EPHA6: variants seen among roughly 807,000 people sequenced by gnomAD.
EPHA6 encodes EPH receptor A6, also known as ephrin type-A receptor 6.
In EPHA6, 50 loss-of-function variants were observed where a neutral mutation model predicts 112.0. That is an observed-to-expected ratio of 0.45 (90% CI 0.36 to 0.56). The LOEUF is 0.56. Ranked by LOEUF, EPHA6 falls within the 20% of genes least tolerant of loss-of-function variation. EPHA6 has a pLI of 0.00. For synonymous variants in EPHA6, 529 were observed against 490.7 expected (o/e 1.08, Z -1.03); for missense variants, 1,280 against 1,417.4 (o/e 0.90, Z 1.56).
At chr3:97,084,051 T>C (rs1213164651) in intron 3 of EPHA6, among the ~76,000 whole-genome samples, 1 of 142,586 alleles carries the variant, frequency 7.0e-6, no homozygotes, top group Non-Finnish European at 1.5e-5. Flanking sequence ...ATAGGGGTGG[T>C]ACATTTATTT....
intron 3 of EPHA6, among the ~76,000 whole-genome samples, chr3:97,082,069 A>G (rs1260834246): frequency 6.6e-6 from 1 of 151,728 alleles, no homozygotes; most frequent in Non-Finnish European, 1.5e-5. Flanking sequence ...AAAATTATAT[A>G]TGTTTATCAT....
intron 3 of EPHA6, among the ~76,000 whole-genome samples, chr3:97,039,613 TA>T (rs2045243636): frequency 6.6e-6 from 1 of 152,048 alleles, no homozygotes; most frequent in African/African-American, 2.4e-5. Context: ...ATTTTTAAAA[TA>T]TCTTAATTTG....
chr3:97,245,271 T>A (rs1300888328), intron 5 of EPHA6, among the ~76,000 whole-genome samples: 2 of 152,002 alleles, frequency 1.3e-5, no homozygotes, highest in Non-Finnish European at 2.9e-5. Flanking sequence ...GTGTCCTTGG[T>A]TTGTAGGTGG....
intron 1 of EPHA6, among the ~76,000 whole-genome samples, chr3:96,856,751 C>T (rs1280413999): frequency 2.0e-5 from 3 of 152,072 alleles, no homozygotes; most frequent in Non-Finnish European, 4.4e-5. Flanking sequence ...AAAACAGGGT[C>T]ACTCCTTTCT....
At chr3:97,337,044 TC>T (rs2108844536) in intron 5 of EPHA6, among the ~76,000 whole-genome samples, 1 of 152,126 alleles carries the variant, frequency 6.6e-6, no homozygotes, top group South Asian at 2.1e-4. Context: ...TCTCTACATC[TC>T]ATATAGTACT....
intron 14 of EPHA6, among the ~76,000 whole-genome samples, chr3:97,694,845 A>G (rs2032926853): frequency 6.6e-6 from 1 of 152,250 alleles, no homozygotes; most frequent in Non-Finnish European, 1.5e-5. Context: ...AGACATAGAT[A>G]GTTGTTGTCT....
chr3:96,871,018 A>G (rs376039510), intron 2 of EPHA6, among the ~76,000 whole-genome samples: 1 of 152,046 alleles, frequency 6.6e-6, no homozygotes, highest in Non-Finnish European at 1.5e-5. Flanking sequence ...TTTGGTGATA[A>G]TTTCTGTTGG....
At chr3:97,432,515 T>G (rs949856246) in intron 6 of EPHA6, among the ~76,000 whole-genome samples, 10 of 152,156 alleles carry the variant, frequency 6.6e-5, no homozygotes, top group African/African-American at 2.4e-4. Context: ...AGGCTTATGT[T>G]CACCTGTCTT....
chr3:97,219,497 T>G (rs577493967), intron 3 of EPHA6, among the ~76,000 whole-genome samples: 1 of 152,208 alleles, frequency 6.6e-6, no homozygotes, highest in South Asian at 2.1e-4. Flanking sequence ...CTGCCAACGC[T>G]TGGGGATTGC....
chr3:96,901,125 G>GT (rs2038585035), intron 2 of EPHA6, among the ~76,000 whole-genome samples: 1 of 152,100 alleles, frequency 6.6e-6, no homozygotes, highest in African/African-American at 2.4e-5. Flanking sequence ...GGGGCAACCT[G>GT]TTAATAGAGA....
At position 97,750,347 on chromosome 3, in the gene EPHA6, T is replaced by A. The variant is rs1023480630; in HGVS notation, c.*1646T>A. On this transcript the variant is annotated 3_prime_UTR_variant, in exon 18 of 18. Transcript: ENST00000389672. ...CCTGTTTTTGTTTTTTGTTTTTGTTTTTGTTGTTCGTTTGTTTGTTTTTGA... is the reference window on the plus strand; with the variant it reads ...CCTGTTTTTGTTTTTTGTTTTTGTTATTGTTGTTCGTTTGTTTGTTTTTGA... Among the ~76,000 whole-genome samples, 4 of 151,858 alleles carry A rather than the reference T, an allele frequency of 2.6e-5. No individual in the cohort carries two copies. Among genetic ancestry groups the A allele is most frequent in the African/African-American group, 9.7e-5 (4 of 41,346 alleles).
At position 97,757,886 on chromosome 3, in the gene EPHA6, CAAAT is replaced by C. The variant is rs2036064552; in HGVS notation, c.*9188_*9191del. Among the ~76,000 whole-genome samples, 1 of 151,800 alleles carries C rather than the reference CAAAT, an allele frequency of 6.6e-6. No homozygotes were observed. Among genetic ancestry groups the C allele is most frequent in the Non-Finnish European group, 1.5e-5 (1 of 67,788 alleles). ...ATTATGCTTGAAAGTTTCCAACTCT[CAAAT>C]AAGTTGAAACCAAGTGTCATAGCAC... On this transcript the variant is annotated 3_prime_UTR_variant, in exon 18 of 18. Transcript: ENST00000389672.
chr3:97,587,059 A>G (rs2093496558), intron 11 of EPHA6, among the ~76,000 whole-genome samples: 1 of 152,150 alleles, frequency 6.6e-6, no homozygotes, highest in African/African-American at 2.4e-5. Flanking sequence ...CCTGGCCAAC[A>G]TAGTAAAACC....
chr3:97,019,520 T>A (rs988120166), intron 3 of EPHA6, among the ~76,000 whole-genome samples: 1 of 152,174 alleles, frequency 6.6e-6, no homozygotes, highest in African/African-American at 2.4e-5. Context: ...ACAAAAAGAC[T>A]GCCTGTCTCT....
intron 1 of EPHA6, among the ~76,000 whole-genome samples, chr3:96,819,227 A>G (rs1053751107): frequency 1.3e-5 from 2 of 152,062 alleles, no homozygotes; most frequent in Admixed American, 6.6e-5. Context: ...GTATATATCT[A>G]TTGGTACAGG....
At chr3:96,829,949 G>GCGCGCGCGCGCGTGCGCACA (rs373416797) in intron 1 of EPHA6, among the ~76,000 whole-genome samples, 16 of 136,034 alleles carry the variant, frequency 1.2e-4, no homozygotes, top group African/African-American at 4.8e-4. Flanking sequence ...GCGCGCGCGC[G>GCGCGCGCGCGCGTGCGCACA]CACACACACA....
intron 3 of EPHA6, among the ~76,000 whole-genome samples, chr3:97,217,854 T>A (rs1230625863): frequency 6.6e-6 from 1 of 152,232 alleles, no homozygotes; most frequent in Non-Finnish European, 1.5e-5. Context: ...TAATCTTAGT[T>A]TGGACTTTAT....
intron 11 of EPHA6, among the ~76,000 whole-genome samples, chr3:97,540,001 G>T (rs1010829132): frequency 6.6e-6 from 1 of 152,182 alleles, no homozygotes; most frequent in Non-Finnish European, 1.5e-5. Flanking sequence ...ATTAATTAGG[G>T]AAAGAGTTAT....
chr3:96,838,848 A>G (rs1209237704), intron 1 of EPHA6, among the ~76,000 whole-genome samples: 1 of 152,036 alleles, frequency 6.6e-6, no homozygotes, highest in Non-Finnish European at 1.5e-5. Flanking sequence ...CCCAATAAAT[A>G]TAATGTTTAC....
Sources: gnomAD v4.1 joint callset for allele counts (sites outside exome capture counted in the v4.1 genomes callset) on GRCh38, gnomAD v4.1.1 for gene constraint, MANE v1.5 for transcripts, NCBI Gene and HGNC (gene_info 2026-07-23, HGNC 2026-07-21) for gene names.